Variants in C17orf67 observed in about 807,000 individuals in gnomAD.
C17orf67 encodes chromosome 17 open reading frame 67.
C17orf67 carries 12 observed loss-of-function variants against 11.2 expected under a neutral mutation model. The ratio of observed to expected loss-of-function variants is 1.07; its 90% CI spans 0.68 to 1.73. The LOEUF (loss-of-function observed/expected upper bound fraction) is 1.73. Among genes scored for constraint, C17orf67 ranks in the 40% most tolerant of loss-of-function variants. The probability of loss-of-function intolerance (pLI) is 0.00; values close to 1 mark genes in which losing one functional copy is unlikely to be tolerated. For synonymous variants in C17orf67, 59 were observed against 46.9 expected (o/e 1.26, Z -1.05); for missense variants, 115 against 113.5 (o/e 1.01, Z -0.06).
intron 4 of C17orf67, among the ~76,000 whole-genome samples, chr17:56,818,110 C>T (rs1461584356): frequency 6.7e-6 from 1 of 150,178 alleles, no homozygotes; most frequent in African/African-American, 2.5e-5. Flanking sequence ...TCCAAAAATG[C>T]TTGAATTACA....
At chr17:56,827,873 A>G (rs1158161046) in intron 2 of C17orf67, among the ~76,000 whole-genome samples, 1 of 152,122 alleles carries the variant, frequency 6.6e-6, no homozygotes, top group African/African-American at 2.4e-5. Flanking sequence ...CACACCTCAG[A>G]CTGTGGTTTT....
chr17:56,814,997 G>T (rs2055553355), intron 5 of C17orf67, 28 bp from the exon 6 acceptor site: 1 of 1,579,494 alleles, frequency 6.3e-7, no homozygotes, highest in African/African-American at 1.3e-5. Flanking sequence ...GTGCCTTAAG[G>T]ACACTCAGGC....
intron 4 of C17orf67, among the ~76,000 whole-genome samples, chr17:56,821,363 T>C (rs898528531): frequency 1.1e-4 from 17 of 152,216 alleles, no homozygotes; most frequent in Admixed American, 1.1e-3. Context: ...TATATATACA[T>C]TGTAAAAATA....
intron 6 of C17orf67, among the ~76,000 whole-genome samples, chr17:56,814,068 A>T (rs1171041293): frequency 6.6e-6 from 1 of 152,202 alleles, no homozygotes; most frequent in South Asian, 2.1e-4. Context: ...AATGAAGGTA[A>T]ATGCTACTGC....
At chr17:56,828,042 T>C (rs1906086582) in intron 2 of C17orf67, among the ~76,000 whole-genome samples, 1 of 130,408 alleles carries the variant, frequency 7.7e-6, no homozygotes, top group Non-Finnish European at 1.6e-5. Flanking sequence ...CCATCTCTAC[T>C]AAAAATACAA....
At chr17:56,793,190 TA>T (rs1905150075) in intron 7 of C17orf67, among the ~76,000 whole-genome samples, 1 of 151,932 alleles carries the variant, frequency 6.6e-6, no homozygotes, top group Non-Finnish European at 1.5e-5. Context: ...CCTAGAATCA[TA>T]AGGAAGGAGC....
At chr17:56,810,337 A>T (rs1428339855) in intron 6 of C17orf67, among the ~76,000 whole-genome samples, 1 of 129,762 alleles carries the variant, frequency 7.7e-6, no homozygotes, top group Non-Finnish European at 1.6e-5. Flanking sequence ...ACATTCGAAT[A>T]CACACACCCT....
chr17:56,811,439 C>T (rs977320276), intron 6 of C17orf67, among the ~76,000 whole-genome samples: 8 of 151,924 alleles, frequency 5.3e-5, no homozygotes, highest in African/African-American at 1.9e-4. Flanking sequence ...CTCTGGGAAG[C>T]CTTCCCAGCC....
chr17:56,800,562 G>A (rs1331801873), intron 6 of C17orf67, among the ~76,000 whole-genome samples: 4 of 152,032 alleles, frequency 2.6e-5, no homozygotes, highest in African/African-American at 7.3e-5. Context: ...TTCCCTGAAC[G>A]GGCCATGCTT....
rs759950205 is a variant in C17orf67 at position 56,795,031 on chromosome 17, G to A, written c.*20+13C>T. 4 of 1,568,046 alleles carry A rather than the reference G, an allele frequency of 2.6e-6. No homozygotes were observed. ...CCCTCAGACAGAGGTCCGGGAGAGA[G>A]AAGGAGACGTACCGAGGCTGGTCCT... On this transcript the variant is annotated intron_variant, in intron 7 of 7. Coordinates refer to ENST00000397861, the MANE Select transcript of C17orf67 (RefSeq NM_001085430.4).
chr17:56,824,987 A>G (rs562427004), intron 3 of C17orf67, 94 bp downstream of exon 3: 18 of 152,334 alleles, frequency 1.2e-4, no homozygotes, highest in African/African-American at 4.3e-4. Context: ...GGTTTTTACT[A>G]TTATTTTTAA....
intron 6 of C17orf67, among the ~76,000 whole-genome samples, chr17:56,798,330 T>C (rs1281077237): frequency 6.6e-6 from 1 of 152,196 alleles, no homozygotes; most frequent in Non-Finnish European, 1.5e-5. Context: ...ATAGGCATTA[T>C]TGTTTACAGC....
rs111655642 is a variant in C17orf67, at chr17:56,830,436, A to T, written c.-557+2462T>A. On this transcript the variant is annotated intron_variant, in intron 2 of 7. Coordinates refer to ENST00000397861, the MANE Select transcript of C17orf67 (RefSeq NM_001085430.4). ...GAATGTTTAAAGAGAAATTTCTATA[A>T]TATTTAGATTCAAATAGTGGATATT... Among the ~76,000 whole-genome samples, 449 of 152,294 alleles carry T rather than the reference A, an allele frequency of 2.9e-3. 3 individuals carry two copies. Among genetic ancestry groups the T allele is most frequent in the African/African-American group, 0.011 (439 of 41,568 alleles).
At chr17:56,824,375 C>A (rs1261953971) in intron 4 of C17orf67, among the ~76,000 whole-genome samples, 1 of 152,132 alleles carries the variant, frequency 6.6e-6, no homozygotes, top group African/African-American at 2.4e-5. Context: ...GAGCTATGAG[C>A]CAGATGAACC....
intron 4 of C17orf67, among the ~76,000 whole-genome samples, chr17:56,818,619 T>G (rs1323890016): frequency 6.6e-6 from 1 of 152,212 alleles, no homozygotes; most frequent in African/African-American, 2.4e-5. Context: ...ACATATGTAA[T>G]TTAAATTTTT....
At chr17:56,822,973 C>G (rs1045796020) in intron 4 of C17orf67, among the ~76,000 whole-genome samples, 1 of 152,190 alleles carries the variant, frequency 6.6e-6, no homozygotes, top group Non-Finnish European at 1.5e-5. Flanking sequence ...TATGTCTGCC[C>G]AGCAGGTGAG....
chr17:56,798,956 A>G lies in C17orf67; in HGVS notation c.157-3776T>C, dbSNP rs948768562. On this transcript the variant is annotated intron_variant, in intron 6 of 7. Transcript: ENST00000397861. Reference sequence around the variant, plus strand: ...AGGGGAGCTGATATACACAGATCACATGGTGAGACAGGAGGCAAGAAAGAG... The same window carrying G: ...AGGGGAGCTGATATACACAGATCACGTGGTGAGACAGGAGGCAAGAAAGAG... Among the ~76,000 whole-genome samples the G allele has an allele frequency of 6.6e-5, 10 of 152,232 alleles. No homozygotes were observed. In the South Asian group the frequency reaches 1.7e-3, roughly 25 times the overall value.
At chr17:56,807,881 C>T (rs1905491747) in intron 6 of C17orf67, among the ~76,000 whole-genome samples, 1 of 147,524 alleles carries the variant, frequency 6.8e-6, no homozygotes, top group African/African-American at 2.5e-5. Flanking sequence ...CACAGTGAGA[C>T]CCTGTCTCAA....
intron 6 of C17orf67, among the ~76,000 whole-genome samples, chr17:56,795,486 C>T (rs1208065255): frequency 1.3e-5 from 2 of 152,124 alleles, no homozygotes; most frequent in East Asian, 1.9e-4. Flanking sequence ...TACTTTATAC[C>T]CTAGCGCAGT....
Sources: gnomAD v4.1 joint callset for allele counts (sites outside exome capture counted in the v4.1 genomes callset) on GRCh38, gnomAD v4.1.1 for gene constraint, MANE v1.5 for transcripts, NCBI Gene and HGNC (gene_info 2026-07-23, HGNC 2026-07-21) for gene names.